The following CSNK2A1 variants were observed in gnomAD, a reference collection of about 807,000 sequenced individuals.
CSNK2A1 encodes casein kinase II subunit alpha.
A neutral mutation model predicts 62.9 loss-of-function variants in CSNK2A1; 10 were observed. The observed-to-expected ratio is 0.16, with a 90% confidence interval of 0.10 to 0.27. The LOEUF is 0.27. Among genes scored for constraint, CSNK2A1 ranks in the 10% least tolerant of loss-of-function variants. CSNK2A1 has a pLI of 1.00. For synonymous variants in CSNK2A1, 124 were observed against 167.8 expected (o/e 0.74, Z 2.02); for missense variants, 160 against 492.0 (o/e 0.33, Z 6.38).
chr20:521,755 G>A (rs1292284245), intron 2 of CSNK2A1, among the ~76,000 whole-genome samples: 3 of 152,142 alleles, frequency 2.0e-5, no homozygotes, highest in African/African-American at 4.8e-5. Context: ...TGGATGAATC[G>A]TTTTTCTTTT....
chr20:485,082 AAAAAAAAAAAAAAAAAAAAAAAAAAAAAT>A (rs2018045461), intron 13 of CSNK2A1, among the ~76,000 whole-genome samples: 3 of 35,296 alleles, frequency 8.5e-5, no homozygotes, highest in African/African-American at 3.2e-4. Flanking sequence ...AAAAAAAAAA[AAAAAAAAAAAAAAAAAAAAAAAAAAAAAT>A]ATATATATAT....
rs921792134 is a variant in CSNK2A1, at chr20:479,227, A to G, written c.*4734T>C. ...AATGTAGCATCCTTTTACTGTACATAGTCTGCACAACTGTACAATTTAGAA... is the reference window on the plus strand; with the variant it reads ...AATGTAGCATCCTTTTACTGTACATGGTCTGCACAACTGTACAATTTAGAA... On this transcript the variant is annotated 3_prime_UTR_variant, in exon 14 of 14. Transcript: ENST00000217244. 1 of 152,284 alleles carries G rather than the reference A, an allele frequency of 6.6e-6. No homozygotes were observed. The highest frequency in any genetic ancestry group is 2.4e-5 in the African/African-American group (1 of 41,446). 9.4% of individuals were successfully genotyped at this position (152,284 alleles called of 1,614,324 possible).
chr20:539,910 T>C (rs765833889), intron 1 of CSNK2A1: 1 of 152,168 alleles, frequency 6.6e-6, no homozygotes, highest in South Asian at 2.1e-4. Context: ...CTGTGAGACA[T>C]GTAGAGAATA....
chr20:502,912 A>G (rs1047197631), intron 4 of CSNK2A1: 1 of 151,690 alleles, frequency 6.6e-6, no homozygotes, highest in African/African-American at 2.4e-5. Context: ...CACCACTTCC[A>G]CCCAACACCT....
In CSNK2A1 at chr20:477,057, A is replaced by G. The variant is rs2017861985; in HGVS notation, c.*6904T>C. 6.6e-6 allele frequency: 1 copy of G among 151,256 alleles called. No homozygotes were observed. The highest frequency in any genetic ancestry group is 2.1e-4 in the South Asian group (1 of 4,770). 9.4% of individuals were successfully genotyped at this position (151,256 alleles called of 1,614,324 possible). Reference sequence around the variant, plus strand: ...AGGCATGTGCCACCACATCCAGCTAATTTTTAATTTTGGTAGAGACAGGGT... The same window carrying G: ...AGGCATGTGCCACCACATCCAGCTAGTTTTTAATTTTGGTAGAGACAGGGT... On this transcript the variant is annotated 3_prime_UTR_variant, in exon 14 of 14. Transcript: ENST00000217244.
At chr20:524,017 T>C (rs1438728499) in intron 2 of CSNK2A1, among the ~76,000 whole-genome samples, 6 of 152,012 alleles carry the variant, frequency 3.9e-5, no homozygotes, top group Non-Finnish European at 7.4e-5. Context: ...TGAATCTATG[T>C]ATGTATTAAA....
intron 1 of CSNK2A1, among the ~76,000 whole-genome samples, chr20:531,561 T>C (rs374072404): frequency 6.6e-6 from 1 of 152,136 alleles, no homozygotes; most frequent in Non-Finnish European, 1.5e-5. Context: ...TAAAGCAGCA[T>C]GTACATGTAC....
rs764097924 is a variant in CSNK2A1 at position 499,803 on chromosome 20, G to C, written c.315+30C>G. 6.2e-7 allele frequency: 1 copy of C among 1,604,018 alleles called. No homozygotes were observed. The highest frequency in any genetic ancestry group is 2.2e-5 in the East Asian group (1 of 44,848). On this transcript the variant is annotated intron_variant, in intron 5 of 13. Coordinates refer to ENST00000217244, the MANE Select transcript of CSNK2A1 (RefSeq NM_177559.3). The surrounding 1 kb of genome is among the most constrained non-coding windows in gnomAD (Gnocchi z 4.2). ...CAGGTCAAACACCATCTCAGCTCTGGCGGGCCTTGCTAACACCTACTATAC... is the reference window on the plus strand; with the variant it reads ...CAGGTCAAACACCATCTCAGCTCTGCCGGGCCTTGCTAACACCTACTATAC...
At chr20:523,193 T>G (rs545775059) in intron 2 of CSNK2A1, among the ~76,000 whole-genome samples, 11 of 152,332 alleles carry the variant, frequency 7.2e-5, no homozygotes, top group African/African-American at 2.6e-4. Context: ...ATTGCTAGTG[T>G]GAACGCAAAA....
intron 2 of CSNK2A1, among the ~76,000 whole-genome samples, chr20:517,984 AAC>A (rs2018863107): frequency 6.6e-6 from 1 of 152,144 alleles, no homozygotes; most frequent in Admixed American, 6.5e-5. Flanking sequence ...CTCTACTTCC[AAC>A]ACTAATCAGT....
intron 1 of CSNK2A1, among the ~76,000 whole-genome samples, chr20:535,268 A>C (rs1210165834): frequency 6.6e-6 from 1 of 152,168 alleles, no homozygotes; most frequent in East Asian, 1.9e-4. Flanking sequence ...TGAACTGGTC[A>C]GGAAGACAGA....
intron 2 of CSNK2A1, among the ~76,000 whole-genome samples, chr20:513,789 CT>C (rs1042835842): frequency 6.6e-6 from 1 of 152,172 alleles, no homozygotes; most frequent in African/African-American, 2.4e-5. Context: ...GGCTCATCAA[CT>C]GGGACCTAAT....
chr20:496,050 C>T, intron 7 of CSNK2A1: 1 of 420,662 alleles, frequency 2.4e-6, no homozygotes, highest in Admixed American at 3.6e-5. Context: ...CCTAAAAGAC[C>T]CAAAGTATAC....
chr20:532,943 G>A (rs550660959), intron 1 of CSNK2A1, among the ~76,000 whole-genome samples: 10 of 152,146 alleles, frequency 6.6e-5, no homozygotes, highest in East Asian at 5.8e-4. Flanking sequence ...ACAGGTTAAC[G>A]GTAAAAATGT....
chr20:529,168 G>C (rs941732879), intron 1 of CSNK2A1, among the ~76,000 whole-genome samples: 1 of 151,042 alleles, frequency 6.6e-6, no homozygotes, highest in East Asian at 1.9e-4. Flanking sequence ...GGGACCACGG[G>C]CATGCACCAC....
intron 1 of CSNK2A1, among the ~76,000 whole-genome samples, chr20:532,908 G>C (rs2019243194): frequency 6.6e-6 from 1 of 152,086 alleles, no homozygotes; most frequent in Non-Finnish European, 1.5e-5. Context: ...CCTTACCCTA[G>C]CTCAGAAGGA....
intron 4 of CSNK2A1, chr20:501,007 T>C (rs1041585915): frequency 3.3e-5 from 5 of 151,996 alleles, no homozygotes; most frequent in East Asian, 3.9e-4. Flanking sequence ...TGTTCTAGTA[T>C]GGAATCCTTT....
rs205904 is a variant in CSNK2A1, at chr20:499,976, A to T, written c.214-42T>A. ...ACATCAGCAAAAAAAAAAAAAAAAAATTTTTTCAGAGTATTTCAACACGTA... is the reference window on the plus strand; with the variant it reads ...ACATCAGCAAAAAAAAAAAAAAAAATTTTTTTCAGAGTATTTCAACACGTA... On this transcript the variant is annotated intron_variant, in intron 4 of 13. Coordinates refer to ENST00000217244, the MANE Select transcript of CSNK2A1 (RefSeq NM_177559.3). The surrounding 1 kb of genome is among the most constrained non-coding windows in gnomAD (Gnocchi z 4.2). The T allele has an allele frequency of 0.35, 473,575 of 1,360,696 alleles. 81,241 individuals carry two copies. The highest frequency in any genetic ancestry group is 0.72 in the East Asian group (31,273 of 43,336). The allele number at this position is 1,360,696 out of a possible 1,614,324, so 84.3% of individuals were successfully genotyped here.
intron 1 of CSNK2A1, among the ~76,000 whole-genome samples, chr20:534,858 A>C (rs1227272545): frequency 6.8e-6 from 1 of 146,528 alleles, no homozygotes; most frequent in Non-Finnish European, 1.5e-5. Context: ...GTGAAACCCC[A>C]TCTCTACTAA....
Sources: allele counts gnomAD v4.1 joint callset (sites outside exome capture counted in the v4.1 genomes callset), GRCh38; gene constraint gnomAD v4.1.1; non-coding constraint Gnocchi (gnomAD v3.1); transcripts MANE v1.5; gene names NCBI Gene and HGNC (gene_info 2026-07-23, HGNC 2026-07-21).